Variants in DEK observed in about 807,000 individuals in gnomAD.
DEK encodes the protein DEK proto-oncogene, also known as protein DEK.
Under a neutral mutation model 46.8 loss-of-function variants are expected in DEK, and 28 were observed. That is an observed-to-expected ratio of 0.60 (90% CI 0.44 to 0.82). The LOEUF (loss-of-function observed/expected upper bound fraction) is 0.82, where lower values mean the gene tolerates loss of function less well. Ranked by LOEUF, DEK falls within the 40% of genes least tolerant of loss-of-function variation. The pLI is 0.00. For missense variants in DEK, 416 were observed against 430.6 expected (o/e 0.97, Z 0.30); for synonymous variants, 160 against 144.5 (o/e 1.11, Z -0.77).
rs551044331 is a variant in DEK at position 18,229,632 on chromosome 6, T to C, written c.1048-3390A>G. Among the ~76,000 whole-genome samples, 826 of 152,260 alleles carry C rather than the reference T, an allele frequency of 5.4e-3. 6 individuals carry two copies. Among genetic ancestry groups the C allele is most frequent in the South Asian group, 0.031 (148 of 4,816 alleles). ...CAACTGGAAGAAAGGGTATCAGTGATTGAAGAGCAAATGAATGAAATGAAG... is the reference window on the plus strand; with the variant it reads ...CAACTGGAAGAAAGGGTATCAGTGACTGAAGAGCAAATGAATGAAATGAAG... On this transcript the variant is annotated intron_variant, in intron 9 of 10. Transcript: ENST00000652689.
intron 9 of DEK, among the ~76,000 whole-genome samples, chr6:18,231,622 T>C (rs2151078254): frequency 6.6e-6 from 1 of 152,182 alleles, no homozygotes; most frequent in East Asian, 1.9e-4. Flanking sequence ...CTAGATGAAA[T>C]GGATAAATTC....
chr6:18,249,937 A>C, intron 6 of DEK, 98 bp from the exon 7 acceptor site: 4 of 1,437,928 alleles, frequency 2.8e-6, no homozygotes, highest in Non-Finnish European at 3.7e-6. Flanking sequence ...TTCCTCTCTC[A>C]AGAAATTGTA....
At chr6:18,236,204 G>A (rs1790639474) in intron 9 of DEK, among the ~76,000 whole-genome samples, 1 of 152,132 alleles carries the variant, frequency 6.6e-6, no homozygotes, top group African/African-American at 2.4e-5. Context: ...GGTTTGGAAT[G>A]TGTCACTTTA....
intron 2 of DEK, among the ~76,000 whole-genome samples, chr6:18,259,982 T>C (rs997719950): frequency 6.6e-6 from 1 of 152,222 alleles, no homozygotes; most frequent in Non-Finnish European, 1.5e-5. Flanking sequence ...CTCTGATTAC[T>C]AACTACAAGC....
At chr6:18,248,629 A>C (rs1000597714) in intron 7 of DEK, among the ~76,000 whole-genome samples, 1 of 152,218 alleles carries the variant, frequency 6.6e-6, no homozygotes, top group Non-Finnish European at 1.5e-5. Flanking sequence ...ATAAAATTTG[A>C]CGCTAAAACA....
At chr6:18,230,493 G>A (rs549721335) in intron 9 of DEK, among the ~76,000 whole-genome samples, 52 of 152,264 alleles carry the variant, frequency 3.4e-4, no homozygotes, top group African/African-American at 1.1e-3. Flanking sequence ...CATCTCATGT[G>A]CAGAGACACA....
Position 18,225,624 on chromosome 6 carries a change from G to T in DEK, c.*95C>A. The stretch of plus-strand genomic sequence containing the variant: ...AGTTCTACTAACGTTGCTTAACAAG[G>T]ATTTAGAAAAGGAAATACATTCTCT... On this transcript the variant is annotated 3_prime_UTR_variant, in exon 11 of 11. Coordinates refer to ENST00000652689, the MANE Select transcript of DEK (RefSeq NM_003472.4). The T allele has an allele frequency of 7.0e-7, 1 of 1,418,800 alleles. No homozygotes were observed. Among genetic ancestry groups the T allele is most frequent in the Non-Finnish European group, 9.6e-7 (1 of 1,037,640 alleles). 87.9% of individuals were successfully genotyped at this position (1,418,800 alleles called of 1,614,324 possible).
chr6:18,256,225 G>A, intron 5 of DEK, 136 bp downstream of exon 5: 1 of 679,928 alleles, frequency 1.5e-6, no homozygotes, highest in Non-Finnish European at 2.4e-6. Context: ...GACCTCAGGT[G>A]ATACGCCCGC....
At chr6:18,230,764 C>G (rs1790380694) in intron 9 of DEK, among the ~76,000 whole-genome samples, 1 of 152,140 alleles carries the variant, frequency 6.6e-6, no homozygotes, top group South Asian at 2.1e-4. Context: ...CGTAGACTCC[C>G]ACACAATAAT....
At position 18,252,169 on chromosome 6, in the gene DEK, T is replaced by G. The variant is rs367934310; in HGVS notation, c.574-2330A>C. Among the ~76,000 whole-genome samples the G allele has an allele frequency of 2.6e-5, 4 of 152,218 alleles. No individual in the cohort carries two copies. In the East Asian group the frequency reaches 7.7e-4, roughly 29 times the overall value. On this transcript the variant is annotated intron_variant, in intron 6 of 10. Coordinates refer to ENST00000652689, the MANE Select transcript of DEK (RefSeq NM_003472.4). ...GATTAATGTTGTGTTGATTAAACCA[T>G]TGAGAAATTGTTAAAGAGGAGAAAA...
intron 9 of DEK, among the ~76,000 whole-genome samples, chr6:18,233,540 T>C (rs1790503205): frequency 6.6e-6 from 1 of 152,128 alleles, no homozygotes. Flanking sequence ...GGGCAAAGGA[T>C]ATGAACAGAC....
intron 7 of DEK, among the ~76,000 whole-genome samples, chr6:18,239,074 G>A (rs1374588434): frequency 6.6e-6 from 1 of 152,052 alleles, no homozygotes; most frequent in Non-Finnish European, 1.5e-5. Flanking sequence ...ACAGGCATGC[G>A]CCACCACACC....
intron 9 of DEK, among the ~76,000 whole-genome samples, chr6:18,227,729 C>A (rs1790205551): frequency 1.3e-5 from 2 of 152,190 alleles, no homozygotes; most frequent in Non-Finnish European, 2.9e-5. Flanking sequence ...AAACAAAAAA[C>A]CCCAACAAAC....
intron 7 of DEK, among the ~76,000 whole-genome samples, chr6:18,242,392 C>G (rs1561981418): frequency 6.6e-6 from 1 of 152,184 alleles, no homozygotes; most frequent in Non-Finnish European, 1.5e-5. Context: ...ACGGCAGTCT[C>G]CCTTTATCTA....
At chr6:18,251,941 CA>C (rs1422176078) in intron 6 of DEK, among the ~76,000 whole-genome samples, 10 of 151,904 alleles carry the variant, frequency 6.6e-5, no homozygotes, top group Admixed American at 2.6e-4. Flanking sequence ...ATGCAATTCC[CA>C]AAAGTAAACG....
chr6:18,246,288 C>G (rs577948713), intron 7 of DEK, among the ~76,000 whole-genome samples: 2 of 152,300 alleles, frequency 1.3e-5, no homozygotes, highest in African/African-American at 2.4e-5. Context: ...TTTTACTGTT[C>G]TAAAAAGCCA....
intron 2 of DEK, among the ~76,000 whole-genome samples, 167 bp downstream of exon 2, chr6:18,263,676 C>A (rs1471685152): frequency 2.0e-5 from 3 of 152,250 alleles, no homozygotes; most frequent in African/African-American, 7.2e-5. Context: ...CAATTCTACG[C>A]CATCGCTCAA....
chr6:18,250,029 G>A (rs190799106), intron 6 of DEK, among the ~76,000 whole-genome samples, 190 bp from the exon 7 acceptor site: 7 of 152,220 alleles, frequency 4.6e-5, no homozygotes, highest in East Asian at 1.9e-4. Context: ...TACCATTTGT[G>A]TTCTAAACAC....
chr6:18,252,530 A>G (rs868238840), intron 6 of DEK, among the ~76,000 whole-genome samples: 4 of 150,706 alleles, frequency 2.7e-5, no homozygotes, highest in Non-Finnish European at 4.4e-5. Flanking sequence ...AAAAAAAAAA[A>G]AAAAAGAAAA....
Sources: allele counts gnomAD v4.1 joint callset (sites outside exome capture counted in the v4.1 genomes callset), GRCh38; gene constraint gnomAD v4.1.1; transcripts MANE v1.5; gene names NCBI Gene and HGNC (gene_info 2026-07-23, HGNC 2026-07-21).